CAPNS1: variants seen among roughly 807,000 people sequenced by gnomAD.
CAPNS1 encodes the protein calpain small subunit 1, also known as CANP small subunit.
A neutral mutation model predicts 39.2 loss-of-function variants in CAPNS1; 32 were observed. The ratio of observed to expected loss-of-function variants is 0.82; its 90% CI spans 0.62 to 1.10. The LOEUF (loss-of-function observed/expected upper bound fraction) is 1.10. CAPNS1 is among the 50% of genes least tolerant of loss of function. The pLI, the probability that CAPNS1 is intolerant of heterozygous loss-of-function variation, is 0.00. For synonymous variants in CAPNS1, 153 were observed against 136.2 expected (o/e 1.12, Z -0.86); for missense variants, 353 against 373.1 (o/e 0.95, Z 0.44).
intron 3 of CAPNS1, 150 bp from the exon 4 acceptor site, chr19:36,142,502 A>G: frequency 1.4e-6 from 1 of 709,120 alleles, no homozygotes; most frequent in Admixed American, 2.3e-5. Flanking sequence ...CATGCCCCAC[A>G]TACGTGCACC....
intron 2 of CAPNS1, chr19:36,141,661 A>G (rs1974379949): frequency 2.1e-6 from 2 of 960,898 alleles, no homozygotes; most frequent in East Asian, 1.1e-4. Context: ...AGGTGAGCCC[A>G]GGAGGAAGCA....
At chr19:36,142,031 G>A (rs1455905569) in intron 2 of CAPNS1, among the ~76,000 whole-genome samples, 1 of 152,126 alleles carries the variant, frequency 6.6e-6, no homozygotes, top group Non-Finnish European at 1.5e-5. Context: ...ATCTGCCACT[G>A]GGTAGGTGTG....
Position 36,142,640 on chromosome 19 carries a change from C to T in CAPNS1, c.244-12C>T. 6.2e-7 allele frequency: 1 copy of T among 1,613,180 alleles called. No homozygotes were observed. Among genetic ancestry groups the T allele is most frequent in the South Asian group, 1.1e-5 (1 of 91,048 alleles). ...TCCCCTCCCCCTGCTCTGAGCTCTC[C>T]TCCCTTTGCAGCCCCCACGCACACA... is the stretch of plus-strand genomic sequence containing the variant. On this transcript the variant is annotated splice_polypyrimidine_tract_variant and intron_variant, in intron 3 of 10. Coordinates refer to ENST00000246533, the MANE Select transcript of CAPNS1 (RefSeq NM_001749.4).
Position 36,149,990 on chromosome 19 carries a change from T to C in CAPNS1, c.*151T>C. Reference sequence around the variant, plus strand: ...TTCTCTCAGTACTTGTTACCCAGCTTCTCAACATCCAGGGCCCAATTTGCC... The same window carrying C: ...TTCTCTCAGTACTTGTTACCCAGCTCCTCAACATCCAGGGCCCAATTTGCC... On this transcript the variant is annotated 3_prime_UTR_variant, in exon 11 of 11. Transcript: ENST00000246533. 2 of 699,776 alleles carry C rather than the reference T, an allele frequency of 2.9e-6. No homozygotes were observed. The highest frequency in any genetic ancestry group is 8.4e-5 in the South Asian group (2 of 23,798). The allele number at this position is 699,776 out of a possible 1,614,324, so 43.3% of individuals were successfully genotyped here.
At position 36,142,904 on chromosome 19, in the gene CAPNS1, C is replaced by G; in HGVS notation, c.334-5C>G. 1 of 1,614,156 alleles carries G rather than the reference C, an allele frequency of 6.2e-7. No homozygotes were observed. The highest frequency in any genetic ancestry group is 8.5e-7 in the Non-Finnish European group (1 of 1,180,020). ...CCCTGACCTGCCCCTAACTTCCGCC[C>G]GCAGGACATGGAGGTCAGCGCCACA... On this transcript the variant is annotated splice_polypyrimidine_tract_variant and splice_region_variant and intron_variant, in intron 4 of 10. Transcript: ENST00000246533.
chr19:36,149,735 C>A, intron 10 of CAPNS1, 78 bp from the exon 11 acceptor site: 1 of 1,592,122 alleles, frequency 6.3e-7, no homozygotes, highest in South Asian at 1.1e-5. Context: ...CCTATTTTGC[C>A]AGCCGTCCCT....
chr19:36,141,557 C>A (rs1190663311), intron 2 of CAPNS1: 2 of 1,154,298 alleles, frequency 1.7e-6, no homozygotes, highest in Admixed American at 4.7e-5. Flanking sequence ...TGGAGATGAA[C>A]GTTAAAGGTG....
intron 6 of CAPNS1, among the ~76,000 whole-genome samples, chr19:36,143,336 AT>A (rs1343181934): frequency 1.3e-5 from 2 of 152,222 alleles, no homozygotes; most frequent in Non-Finnish European, 2.9e-5. Context: ...CCGAACCGTC[AT>A]AACCACCCTG....
intron 1 of CAPNS1, 168 bp from the exon 2 acceptor site, chr19:36,140,829 A>T: frequency 1.0e-6 from 1 of 966,220 alleles, no homozygotes; most frequent in Non-Finnish European, 1.5e-6. Flanking sequence ...TGCAAACCTG[A>T]TCCCCCATAC....
At chr19:36,142,178 C>T (rs1186151806) in intron 2 of CAPNS1, 122 bp from the exon 3 acceptor site, 5 of 774,360 alleles carry the variant, frequency 6.5e-6, no homozygotes, top group Non-Finnish European at 1.2e-5. Context: ...AAATGAAAGG[C>T]ACAGCAACCA....
intron 1 of CAPNS1, chr19:36,140,657 T>G (rs1974323324): frequency 3.7e-6 from 1 of 271,162 alleles, no homozygotes; most frequent in Non-Finnish European, 6.9e-6. Context: ...CAGGCTGGGC[T>G]CTGGATCTCA....
At chr19:36,143,817 C>T (rs1270821600) in intron 6 of CAPNS1, among the ~76,000 whole-genome samples, 9 of 146,788 alleles carry the variant, frequency 6.1e-5, no homozygotes, top group Admixed American at 5.5e-4. Flanking sequence ...GAGCCGAGAT[C>T]GCGCCACTGC....
chr19:36,146,133 C>T (rs1974557744), intron 8 of CAPNS1, 63 bp from the exon 9 acceptor site: 1 of 1,585,184 alleles, frequency 6.3e-7, no homozygotes, highest in Non-Finnish European at 8.7e-7. Context: ...GGGCCTGACT[C>T]CTGGGCATGG....
At chr19:36,145,748 T>C in intron 6 of CAPNS1, 58 bp from the exon 7 acceptor site, 2 of 1,452,086 alleles carry the variant, frequency 1.4e-6, no homozygotes, top group Non-Finnish European at 1.9e-6. Flanking sequence ...GTGTCCACAG[T>C]GCATGTGATG....
rs755375003 is a variant in CAPNS1 at position 36,142,927 on chromosome 19, A to G, written c.352A>G (p.Thr118Ala). The G allele has an allele frequency of 1.2e-6, 2 of 1,614,140 alleles. No individual in the cohort carries two copies. Among genetic ancestry groups the G allele is most frequent in the Non-Finnish European group, 1.7e-6 (2 of 1,180,012 alleles). ...CCCGCAGGACATGGAGGTCAGCGCC[A>G]CAGAACTCATGAACATTCTCAATAA... ...LAGDDMEVSA[T>A]ELMNILNKVV... The change falls in exon 5 of 11, where the codon ACA becomes GCA. Residue 118 changes from threonine to alanine, a missense_variant. Coordinates refer to ENST00000246533, the MANE Select transcript of CAPNS1 (RefSeq NM_001749.4).
chr19:36,142,363 C>T, intron 3 of CAPNS1, 30 bp downstream of exon 3: 1 of 1,341,260 alleles, frequency 7.5e-7, no homozygotes, highest in Non-Finnish European at 1.0e-6. Flanking sequence ...AGACCCCCTT[C>T]TCCTGCCAAG....
rs759165933 is a variant in CAPNS1 at position 36,141,125 on chromosome 19, C to G, written c.114C>G (p.Gly38=). 8.7e-7 allele frequency: 1 copy of G among 1,151,356 alleles called. No individual in the cohort carries two copies. The highest frequency in any genetic ancestry group is 2.5e-5 in the South Asian group (1 of 40,374). 71.3% of individuals were successfully genotyped at this position (1,151,356 alleles called of 1,614,324 possible). The change falls in exon 2 of 11, where the codon GGC becomes GGG. Residue 38 remains glycine, a synonymous_variant. Coordinates refer to ENST00000246533, the MANE Select transcript of CAPNS1 (RefSeq NM_001749.4). ...VLGGLISGAG[G]GGGGGGGGGG... is the part of the protein sequence containing the mutation. ...GAGGCCTGATCAGCGGGGCCGGGGG[C>G]GGCGGCGGCGGCGGCGGCGGCGGCG...
chr19:36,146,514 G>C (rs902455620), intron 9 of CAPNS1, among the ~76,000 whole-genome samples: 12 of 152,218 alleles, frequency 7.9e-5, no homozygotes, highest in Non-Finnish European at 1.5e-5. Context: ...GACTGGTGAT[G>C]GCTGGGAGAG....
At chr19:36,146,750 A>T (rs1196903101) in intron 9 of CAPNS1, among the ~76,000 whole-genome samples, 1 of 152,210 alleles carries the variant, frequency 6.6e-6, no homozygotes, top group African/African-American at 2.4e-5. Context: ...CTTAGTGAGA[A>T]GGTAGGGAAT....
Sources: gnomAD v4.1 joint callset for allele counts (sites outside exome capture counted in the v4.1 genomes callset) on GRCh38, gnomAD v4.1.1 for gene constraint, MANE v1.5 for transcripts, NCBI Gene and HGNC (gene_info 2026-07-23, HGNC 2026-07-21) for gene names.